MBD1: variants seen among roughly 807,000 people sequenced by gnomAD.
The protein encoded by MBD1 is methyl-CpG binding domain protein 1.
Under a neutral mutation model 82.6 loss-of-function variants are expected in MBD1, and 25 were observed. The ratio of observed to expected loss-of-function variants is 0.30; its 90% CI spans 0.22 to 0.42. The LOEUF (loss-of-function observed/expected upper bound fraction) is 0.42. Ranked by LOEUF, MBD1 falls within the 10% of genes least tolerant of loss-of-function variation. MBD1 has a pLI of 1.00. For missense variants in MBD1, 627 were observed against 819.6 expected, an observed-to-expected ratio of 0.76 and a Z score of 2.87; for synonymous variants, 301 against 303.7, an observed-to-expected ratio of 0.99 and a Z score of 0.09.
At chr18:50,281,033 CCCT>C in intron 1 of MBD1, 2 of 806,458 alleles carry the variant, frequency 2.5e-6, no homozygotes, top group Non-Finnish European at 3.9e-6. Flanking sequence ...GCCTGAGGGC[CCCT>C]CATTTCTCCC....
At position 50,276,332 on chromosome 18, in the gene MBD1, C is replaced by T. The variant is rs766865297; in HGVS notation, c.516+46G>A. The T allele has an allele frequency of 7.5e-6, 12 of 1,593,220 alleles. No individual in the cohort carries two copies. In the East Asian group the frequency reaches 2.7e-4, roughly 36 times the overall value. ...TCAGACTCTACCAGCTCCATCACAT[C>T]CTGCTCCCACTGCAGAGTTGTGAAG... is the stretch of plus-strand genomic sequence containing the variant. On this transcript the variant is annotated intron_variant, in intron 6 of 16. Coordinates refer to ENST00000269468, the MANE Select transcript of MBD1 (RefSeq NM_015846.4).
At chr18:50,277,044 G>A (rs1182056317) in intron 3 of MBD1, 46 bp from the exon 4 acceptor site, 1 of 1,613,730 alleles carries the variant, frequency 6.2e-7, no homozygotes, top group Admixed American at 1.7e-5. Flanking sequence ...GTTGGGTGTT[G>A]GGTGGCACAT....
chr18:50,273,146 T>C (rs2036317718), intron 13 of MBD1, 188 bp downstream of exon 13: 2 of 1,208,526 alleles, frequency 1.7e-6, no homozygotes, highest in Non-Finnish European at 1.2e-6. Flanking sequence ...GTTAGCTGGA[T>C]AGCAAAGCGG....
In MBD1 at chr18:50,268,919, A is replaced by G. The variant is rs981702180; in HGVS notation, c.*932T>C. On this transcript the variant is annotated 3_prime_UTR_variant, in exon 17 of 17. Transcript: ENST00000269468. ...AGAGATAGAAACTAAATTATTTCCA[A>G]TTCCTACTGTGCCCCAAACAAGGTT... The G allele has an allele frequency of 1.4e-5, 14 of 984,888 alleles. No individual in the cohort carries two copies. In the East Asian group the frequency reaches 1.5e-3, roughly 104 times the overall value. The allele number at this position is 984,888 out of a possible 1,614,324, so 61.0% of individuals were successfully genotyped here. A position where few individuals can be genotyped will look rare whatever the true frequency, so the allele number is the denominator to read the frequency against.
downstream of MBD1, among the ~76,000 whole-genome samples, chr18:50,267,976 GTTC>G (rs201347426): frequency 1.2e-3 from 177 of 152,302 alleles, no homozygotes; most frequent in African/African-American, 4.0e-3. Flanking sequence ...GTCATTTTGT[GTTC>G]TTTTCTATAA....
In MBD1 at chr18:50,280,036, G is replaced by A. The variant is rs370159916; in HGVS notation, c.-25-19C>T. ...CAGTAGCCTGAAAGGGGGTGGAAGG[G>A]ATGAGGGAAACTGAGGCTCTAGGAA... On this transcript the variant is annotated intron_variant, in intron 1 of 16. Coordinates refer to ENST00000269468, the MANE Select transcript of MBD1 (RefSeq NM_015846.4). 1.8e-5 allele frequency: 28 copies of A among 1,590,270 alleles called. No homozygotes were observed. In the African/African-American group the frequency reaches 3.5e-4, roughly 20 times the overall value.
Position 50,269,540 on chromosome 18 carries a change from G to T in MBD1, c.*311C>A. ...CTAGATCACCTCGTTGGTGTGGGCAGTAGTCAGGCCTGCAGCCAGGCCTGC... is the reference window on the plus strand; with the variant it reads ...CTAGATCACCTCGTTGGTGTGGGCATTAGTCAGGCCTGCAGCCAGGCCTGC... On this transcript the variant is annotated 3_prime_UTR_variant, in exon 17 of 17. Transcript: ENST00000269468. 1.4e-6 allele frequency: 1 copy of T among 718,126 alleles called. No individual in the cohort carries two copies. The highest frequency in any genetic ancestry group is 2.6e-6 in the Non-Finnish European group (1 of 386,382). The allele number at this position is 718,126 out of a possible 1,614,324, so 44.5% of individuals were successfully genotyped here.
intron 14 of MBD1, 36 bp from the exon 15 acceptor site, chr18:50,272,774 G>T: frequency 6.2e-7 from 1 of 1,614,246 alleles, no homozygotes; most frequent in Non-Finnish European, 8.5e-7. Flanking sequence ...CAATGTGGTT[G>T]TTGGGGCTAC....
At chr18:50,276,795 C>T (rs751663769) in intron 4 of MBD1, 37 bp downstream of exon 4, 2 of 1,614,192 alleles carry the variant, frequency 1.2e-6, no homozygotes, top group Admixed American at 1.7e-5. Context: ...CCAATCACAA[C>T]CCTCACCCAT....
intron 2 of MBD1, among the ~76,000 whole-genome samples, chr18:50,278,587 G>A (rs549320202): frequency 6.6e-6 from 1 of 152,278 alleles, no homozygotes; most frequent in Non-Finnish European, 1.5e-5. Context: ...TTTGTAATTT[G>A]ATATTTACCT....
Position 50,269,291 on chromosome 18 carries a change from C to T in MBD1, c.*560G>A, listed in dbSNP as rs1412512606. 1.6e-5 allele frequency: 20 copies of T among 1,225,190 alleles called. No homozygotes were observed. In the East Asian group the frequency reaches 9.1e-4, roughly 56 times the overall value. 75.9% of individuals were successfully genotyped at this position (1,225,190 alleles called of 1,614,324 possible). ...TTATATTGAGTTATCCTCAGGTGAG[C>T]AGTGAGACCCTTGGGAGCGGATTCA... is the stretch of plus-strand genomic sequence containing the variant. On this transcript the variant is annotated 3_prime_UTR_variant, in exon 17 of 17. Coordinates refer to ENST00000269468, the MANE Select transcript of MBD1 (RefSeq NM_015846.4).
At chr18:50,267,416 T>TCAG, downstream of MBD1, 4 of 549,974 alleles carry the variant, frequency 7.3e-6, no homozygotes, top group Non-Finnish European at 1.3e-5. Context: ...GGGCTTAGAC[T>TCAG]CAGGATATCC....
Position 50,275,692 on chromosome 18 carries a change from G to C in MBD1, c.700C>G (p.Gln234Glu). ...ATGGGGCAATGGCCACAATCCTCTT[G>C]GGTCTGACAGCCCCGGCATACTCCA... ...GCGVCRGCQT[Q>E]EDCGHCPICL... The change falls in exon 8 of 17, where the codon CAA (glutamine) becomes GAA (glutamate). Residue 234 changes from glutamine (Q) to glutamate (E), a missense_variant. Around this residue, in one of 6 missense-constraint regions of MBD1, gnomAD observed 228 missense variants for 318.1 expected, o/e 0.72. Coordinates refer to ENST00000269468, the MANE Select transcript of MBD1 (RefSeq NM_015846.4). 6.2e-7 allele frequency: 1 copy of C among 1,614,216 alleles called. No individual in the cohort carries two copies. The highest frequency in any genetic ancestry group is 8.5e-7 in the Non-Finnish European group (1 of 1,180,020).
chr18:50,279,610 TC>T (rs1219933761), intron 2 of MBD1: 2 of 418,752 alleles, frequency 4.8e-6, no homozygotes, highest in African/African-American at 4.0e-5. Flanking sequence ...TGAAAAGGGC[TC>T]CTTCAGCCTC....
chr18:50,268,005 C>A (rs543914579), downstream of MBD1, among the ~76,000 whole-genome samples: 3 of 152,318 alleles, frequency 2.0e-5, no homozygotes, highest in South Asian at 6.2e-4. Flanking sequence ...CTTTCAATTG[C>A]AGTTCAGTAA....
downstream of MBD1, among the ~76,000 whole-genome samples, chr18:50,268,568 C>T (rs1322463419): frequency 6.6e-6 from 1 of 152,242 alleles, no homozygotes; most frequent in African/African-American, 2.4e-5. Context: ...GCCTCCAGGG[C>T]CCCGGTGGGT....
At chr18:50,280,115 C>G (rs2039640852) in intron 1 of MBD1, 98 bp from the exon 2 acceptor site, 2 of 1,264,898 alleles carry the variant, frequency 1.6e-6, no homozygotes, top group Non-Finnish European at 2.2e-6. Context: ...TTAGTGCTTG[C>G]CCAAGCCCTA....
chr18:50,275,061 G>T lies in MBD1; in HGVS notation c.910-16C>A. 1.2e-6 allele frequency: 2 copies of T among 1,613,838 alleles called. No individual in the cohort carries two copies. The highest frequency in any genetic ancestry group is 1.7e-6 in the Non-Finnish European group (2 of 1,179,768). On this transcript the variant is annotated splice_polypyrimidine_tract_variant and intron_variant, in intron 9 of 16. Coordinates refer to ENST00000269468, the MANE Select transcript of MBD1 (RefSeq NM_015846.4). ...CTCTGGGGTGCTGTAGAGGCAAATG[G>T]GGTGGGGTCAGGGCAGGTACTGGGT... is the stretch of plus-strand genomic sequence containing the variant.
At chr18:50,276,454 G>C (rs1209094486) in intron 5 of MBD1, 36 bp from the exon 6 acceptor site, 2 of 1,606,932 alleles carry the variant, frequency 1.2e-6, no homozygotes, top group Non-Finnish European at 1.7e-6. Flanking sequence ...AAAGTGGAAA[G>C]GAAGCAACAG....
Sources: gnomAD v4.1 joint callset for allele counts (sites outside exome capture counted in the v4.1 genomes callset) on GRCh38, gnomAD v4.1.1 for gene constraint, gnomAD v4.1.1 regional missense constraint, MANE v1.5 for transcripts, NCBI Gene and HGNC (gene_info 2026-07-23, HGNC 2026-07-21) for gene names.